Variants in HS6ST2 observed in about 807,000 individuals in gnomAD.
HS6ST2 encodes the protein heparan sulfate 6-O-sulfotransferase 2.
A neutral mutation model predicts 33.0 loss-of-function variants in HS6ST2; 17 were observed. That is an observed-to-expected ratio of 0.52 (90% confidence interval 0.35 to 0.77). HS6ST2 has a LOEUF of 0.77. Among genes scored for constraint, HS6ST2 ranks in the 30% least tolerant of loss-of-function variants. The probability of loss-of-function intolerance (pLI) is 0.01; values close to 1 mark genes in which losing one functional copy is unlikely to be tolerated. For synonymous variants in HS6ST2, 248 were observed against 237.1 expected (o/e 1.05, Z -0.42); for missense variants, 519 against 551.7 (o/e 0.94, Z 0.59).
At chrX:132,750,459 C>A (rs762460460) in intron 2 of HS6ST2, among the ~76,000 whole-genome samples, 2 of 110,792 alleles carry the variant, frequency 1.8e-5, no homozygotes, top group South Asian at 7.6e-4. Flanking sequence ...AACCAAAAGC[C>A]ACAACAATCT....
intron 2 of HS6ST2, among the ~76,000 whole-genome samples, chrX:132,830,307 T>C (rs2065575765): frequency 8.9e-6 from 1 of 111,863 alleles, no homozygotes; most frequent in Non-Finnish European, 1.9e-5. Context: ...AACGCAAACC[T>C]AAAGGGGCCT....
At chrX:132,771,645 A>C (rs1242149407) in intron 2 of HS6ST2, among the ~76,000 whole-genome samples, 2 of 111,937 alleles carry the variant, frequency 1.8e-5, no homozygotes, top group African/African-American at 6.5e-5. Context: ...TTGTCCTTTG[A>C]GTTCAAATTC....
chrX:132,793,094 T>C (rs1362127667), intron 2 of HS6ST2, among the ~76,000 whole-genome samples: 2 of 87,576 alleles, frequency 2.3e-5, no homozygotes, highest in Admixed American at 2.7e-4. Flanking sequence ...GGAGTCTTGC[T>C]CTGTCACTCA....
Position 132,628,914 on chromosome X carries a change from T to C in HS6ST2, c.1247A>G (p.Lys416Arg). 1 of 1,211,171 alleles carries C rather than the reference T, an allele frequency of 8.3e-7. No individual in the cohort carries two copies. The highest frequency in any genetic ancestry group is 1.1e-6 in the Non-Finnish European group (1 of 895,309). The change falls in exon 5 of 5, where the codon AAA becomes AGA. Residue 416 changes from lysine to arginine, a missense_variant. Coordinates refer to ENST00000370833, the MANE Select transcript of HS6ST2 (RefSeq NM_001394073.1). The stretch of plus-strand genomic sequence containing the variant: ...ATTGTAGGGACAGTCCATAAACTCT[T>C]TGAGGGGGCAGCCAGACCAGTCATC... Reference protein sequence around the residue: ...TGDDWSGCPLKEFMDCPYNLA... With the variant: ...TGDDWSGCPLREFMDCPYNLA...
chrX:132,692,707 C>T (rs1433606658), intron 3 of HS6ST2, among the ~76,000 whole-genome samples: 2 of 112,030 alleles, frequency 1.8e-5, no homozygotes, highest in African/African-American at 3.2e-5. Context: ...CCCACATCTG[C>T]CTTTCCTGTT....
intron 2 of HS6ST2, among the ~76,000 whole-genome samples, chrX:132,739,513 G>A (rs1343063746): frequency 9.1e-6 from 1 of 110,486 alleles, no homozygotes; most frequent in Non-Finnish European, 1.9e-5. Context: ...TCAGGAGATC[G>A]AGACCAGCCT....
intron 2 of HS6ST2, among the ~76,000 whole-genome samples, chrX:132,803,816 A>G (rs182532080): frequency 4.8e-4 from 54 of 112,084 alleles, no homozygotes; most frequent in African/African-American, 1.7e-3. Context: ...TACGTATACA[A>G]ATACTAATCT....
chrX:132,945,103 C>T (rs1278574296), intron 2 of HS6ST2, among the ~76,000 whole-genome samples: 4 of 111,775 alleles, frequency 3.6e-5, no homozygotes, highest in Non-Finnish European at 7.5e-5. Context: ...GCAATCTAGC[C>T]ATCTGACAAA....
At chrX:132,753,759 A>C (rs768702709) in intron 2 of HS6ST2, among the ~76,000 whole-genome samples, 2 of 112,323 alleles carry the variant, frequency 1.8e-5, no homozygotes, top group Non-Finnish European at 3.8e-5. Context: ...CAGCAGGGCC[A>C]GGATGAAGGT....
At chrX:132,947,435 A>T in intron 2 of HS6ST2, among the ~76,000 whole-genome samples, 1 of 111,066 alleles carries the variant, frequency 9.0e-6, no homozygotes, top group Non-Finnish European at 1.9e-5. Flanking sequence ...TTTGCTTTAT[A>T]CGTTTCAAAC....
chrX:132,857,929 G>A (rs976791931), intron 2 of HS6ST2, among the ~76,000 whole-genome samples: 4 of 111,840 alleles, frequency 3.6e-5, no homozygotes, highest in African/African-American at 6.5e-5. Context: ...GACAGTGCAC[G>A]GCATGGCACC....
chrX:132,839,743 T>A (rs1431320949), intron 2 of HS6ST2, among the ~76,000 whole-genome samples: 4 of 110,891 alleles, frequency 3.6e-5, no homozygotes, highest in Non-Finnish European at 5.7e-5. Context: ...TTCAAGATGA[T>A]AAGGATCTGC....
chrX:132,847,414 C>T (rs1335454150), intron 2 of HS6ST2, among the ~76,000 whole-genome samples: 31 of 111,290 alleles, frequency 2.8e-4, no homozygotes, highest in Non-Finnish European at 1.1e-4. Context: ...TGCCAAATGT[C>T]CTGGGGACGT....
chrX:132,668,037 C>G (rs964347373), intron 4 of HS6ST2, among the ~76,000 whole-genome samples: 5 of 111,472 alleles, frequency 4.5e-5, no homozygotes, highest in African/African-American at 1.6e-4. Context: ...ATATGCAAAC[C>G]TGAAATGGTA....
intron 4 of HS6ST2, among the ~76,000 whole-genome samples, chrX:132,649,886 T>C (rs1603291836): frequency 9.5e-6 from 1 of 105,529 alleles, no homozygotes; most frequent in Non-Finnish European, 1.9e-5. Context: ...AACTCCGAAG[T>C]AGGTGATTAC....
chrX:132,943,902 A>C, intron 2 of HS6ST2, among the ~76,000 whole-genome samples: 1 of 110,877 alleles, frequency 9.0e-6, no homozygotes, highest in Non-Finnish European at 1.9e-5. Context: ...AGCCAAAATC[A>C]TACTGAATGG....
At chrX:132,710,651 A>T (rs1035619476) in intron 2 of HS6ST2, among the ~76,000 whole-genome samples, 1 of 111,609 alleles carries the variant, frequency 9.0e-6, no homozygotes, top group Non-Finnish European at 1.9e-5. Context: ...ATGGCATCAG[A>T]TTAAACATTT....
chrX:132,670,294 GCAAGT>G (rs950946579), intron 3 of HS6ST2, among the ~76,000 whole-genome samples: 4 of 111,884 alleles, frequency 3.6e-5, no homozygotes, highest in African/African-American at 9.8e-5. Flanking sequence ...ATAGATGTCT[GCAAGT>G]AGCTGTATTT....
rs769999995 is a variant in HS6ST2, at chrX:132,956,980, G to A, written c.775C>T (p.Arg259Cys). 8 of 1,211,048 alleles carry A rather than the reference G, an allele frequency of 6.6e-6. No homozygotes were observed. Among genetic ancestry groups the A allele is most frequent in the Non-Finnish European group, 7.8e-6 (7 of 895,048 alleles). ...NIQLEQPCEC[R>C]VGQKKCTCHR... ...CAAGTGCATTTCTTCTGACCCACGC[G>A]GCACTCGCACGGCTGCTCCAGCTGG... The change falls in exon 2 of 5, where the codon CGC (arginine) becomes TGC (cysteine). Residue 259 changes from arginine to cysteine, a missense_variant. Arg to Cys is a radical substitution (Grantham distance 180, BLOSUM62 -3). Transcript: ENST00000370833.
Sources: gnomAD v4.1 joint callset for allele counts (sites outside exome capture counted in the v4.1 genomes callset) on GRCh38, gnomAD v4.1.1 for gene constraint, MANE v1.5 for transcripts, NCBI Gene and HGNC (gene_info 2026-07-23, HGNC 2026-07-21) for gene names.